THSD7B: variants seen among roughly 807,000 people sequenced by gnomAD.
THSD7B encodes the protein thrombospondin type 1 domain containing 7B, also known as thrombospondin type-1 domain-containing protein 7B.
Under a neutral mutation model 213.6 loss-of-function variants are expected in THSD7B, and 138 were observed. That is an observed-to-expected ratio of 0.65 (90% CI 0.56 to 0.74). The LOEUF (loss-of-function observed/expected upper bound fraction) is 0.74, where lower values mean the gene tolerates loss of function less well. THSD7B is among the 30% of genes least tolerant of loss of function. THSD7B has a pLI of 0.00. For synonymous variants in THSD7B, 742 were observed against 687.0 expected, an observed-to-expected ratio of 1.08 and a Z score of -1.25; for missense variants, 1,931 against 1,991.5, an observed-to-expected ratio of 0.97 and a Z score of 0.58.
At chr2:137,198,900 C>A (rs562771017) in intron 7 of THSD7B, among the ~76,000 whole-genome samples, 11 of 152,214 alleles carry the variant, frequency 7.2e-5, no homozygotes, top group African/African-American at 2.6e-4. Flanking sequence ...TATTATGATG[C>A]CTTTGGGACA....
chr2:137,394,872 C>T (rs1686135247), intron 12 of THSD7B, among the ~76,000 whole-genome samples: 1 of 144,186 alleles, frequency 6.9e-6, no homozygotes, highest in Non-Finnish European at 1.5e-5. Context: ...TGAAGAGGTC[C>T]TTCACATCCC....
At chr2:137,436,708 A>G (rs1048087461) in intron 14 of THSD7B, among the ~76,000 whole-genome samples, 2 of 152,210 alleles carry the variant, frequency 1.3e-5, no homozygotes, top group African/African-American at 4.8e-5. Context: ...AATGGTATGA[A>G]TATAATTTAC....
chr2:136,830,525 A>G (rs1682736042), intron 1 of THSD7B, among the ~76,000 whole-genome samples: 1 of 152,152 alleles, frequency 6.6e-6, no homozygotes, highest in African/African-American at 2.4e-5. Context: ...TCTAAGTTTC[A>G]TTAACCTTAA....
chr2:137,049,939 T>G (rs1306429366), intron 2 of THSD7B, among the ~76,000 whole-genome samples: 1 of 152,212 alleles, frequency 6.6e-6, no homozygotes, highest in Non-Finnish European at 1.5e-5. Flanking sequence ...GTCTTAGAAC[T>G]GTTCTAATAG....
intron 2 of THSD7B, among the ~76,000 whole-genome samples, chr2:137,048,350 A>C (rs1687005942): frequency 6.6e-6 from 1 of 152,134 alleles, no homozygotes; most frequent in Non-Finnish European, 1.5e-5. Context: ...ACAAAAAATT[A>C]TTCCTTTGAA....
intron 10 of THSD7B, among the ~76,000 whole-genome samples, chr2:137,260,903 T>G (rs1682429329): frequency 6.6e-6 from 1 of 151,922 alleles, no homozygotes; most frequent in African/African-American, 2.4e-5. Context: ...ATTCGGTCAT[T>G]TTTTTCACTC....
chr2:137,334,088 A>T (rs1271210376), intron 12 of THSD7B, among the ~76,000 whole-genome samples: 1 of 152,210 alleles, frequency 6.6e-6, no homozygotes, highest in Non-Finnish European at 1.5e-5. Flanking sequence ...TTGCAATTCA[A>T]TATTACTTCA....
intron 20 of THSD7B, chr2:137,642,261 A>G (rs917227542): frequency 1.9e-5 from 9 of 475,876 alleles, no homozygotes; most frequent in Middle Eastern, 5.7e-4. Context: ...TTTGAAGACT[A>G]AAAGAAGTAG....
chr2:137,616,965 T>G (rs1368280080), intron 18 of THSD7B, among the ~76,000 whole-genome samples: 1 of 152,184 alleles, frequency 6.6e-6, no homozygotes, highest in Non-Finnish European at 1.5e-5. Flanking sequence ...GTCACAGCAT[T>G]GAATTCAATA....
intron 12 of THSD7B, among the ~76,000 whole-genome samples, chr2:137,343,747 A>C (rs758716223): frequency 1.6e-4 from 25 of 151,824 alleles, no homozygotes; most frequent in Non-Finnish European, 3.1e-4. Context: ...TTTAGAAGAG[A>C]GCACATTTCC....
At chr2:137,041,009 G>T (rs1356187045) in intron 2 of THSD7B, among the ~76,000 whole-genome samples, 1 of 152,146 alleles carries the variant, frequency 6.6e-6, no homozygotes, top group Non-Finnish European at 1.5e-5. Flanking sequence ...CAAGGGAATA[G>T]AATTTTATGG....
chr2:136,976,365 G>A (rs74416169), intron 2 of THSD7B, among the ~76,000 whole-genome samples: 2 of 152,212 alleles, frequency 1.3e-5, no homozygotes, highest in South Asian at 2.1e-4. Context: ...TTTATTAAAC[G>A]TTTTTAACAT....
chr2:136,943,472 G>A (rs1325494966), intron 2 of THSD7B, among the ~76,000 whole-genome samples: 1 of 152,152 alleles, frequency 6.6e-6, no homozygotes, highest in Non-Finnish European at 1.5e-5. Flanking sequence ...GCTCCTTTTT[G>A]TACCTCTGGT....
intron 12 of THSD7B, among the ~76,000 whole-genome samples, chr2:137,402,230 T>C (rs1686384359): frequency 6.6e-6 from 1 of 152,186 alleles, no homozygotes; most frequent in Non-Finnish European, 1.5e-5. Context: ...CTTATCTTAG[T>C]TCAGATAGCT....
chr2:137,650,850 T>C (rs1287167322), intron 21 of THSD7B, among the ~76,000 whole-genome samples: 1 of 152,222 alleles, frequency 6.6e-6, no homozygotes, highest in East Asian at 1.9e-4. Context: ...CGTATGGTTT[T>C]TGTTCTTGCT....
intron 6 of THSD7B, among the ~76,000 whole-genome samples, chr2:137,160,992 A>G (rs1680008700): frequency 6.6e-6 from 1 of 152,176 alleles, no homozygotes; most frequent in Admixed American, 6.5e-5. Flanking sequence ...ACATCTGAAA[A>G]GAAATGTTTC....
intron 2 of THSD7B, among the ~76,000 whole-genome samples, chr2:137,039,757 T>C (rs1420146714): frequency 3.3e-5 from 5 of 152,214 alleles, no homozygotes; most frequent in African/African-American, 1.2e-4. Context: ...AAAGCCTGTA[T>C]AGCTCTGAAG....
intron 12 of THSD7B, among the ~76,000 whole-genome samples, chr2:137,323,173 A>T (rs1684297843): frequency 6.6e-6 from 1 of 152,252 alleles, no homozygotes; most frequent in Non-Finnish European, 1.5e-5. Context: ...CTGATCAGAA[A>T]TGACGGAGTT....
intron 7 of THSD7B, among the ~76,000 whole-genome samples, chr2:137,175,588 A>G (rs1453253858): frequency 1.3e-5 from 2 of 152,176 alleles, no homozygotes; most frequent in African/African-American, 4.8e-5. Context: ...TTTTTATTTC[A>G]AGGATATTTT....
Sources: allele counts gnomAD v4.1 joint callset (sites outside exome capture counted in the v4.1 genomes callset), GRCh38; gene constraint gnomAD v4.1.1; transcripts MANE v1.5; gene names NCBI Gene and HGNC (gene_info 2026-07-23, HGNC 2026-07-21).